Variants in SLC25A48 observed in about 807,000 individuals in gnomAD.
SLC25A48 encodes CTC-321K16.1.
A neutral mutation model predicts 32.2 loss-of-function variants in SLC25A48; 29 were observed. That is an observed-to-expected ratio of 0.90 (90% CI 0.67 to 1.23). The LOEUF (loss-of-function observed/expected upper bound fraction) is 1.23. Among genes scored for constraint, SLC25A48 ranks in the 50% most tolerant of loss-of-function variants. The pLI, the probability that SLC25A48 is intolerant of heterozygous loss-of-function variation, is 0.00. For missense variants in SLC25A48, 399 were observed against 422.7 expected, an observed-to-expected ratio of 0.94 and a Z score of 0.49; for synonymous variants, 164 against 172.3, an observed-to-expected ratio of 0.95 and a Z score of 0.38.
At chr5:135,658,255 G>A (rs901194393) in intron 3 of SLC25A48, among the ~76,000 whole-genome samples, 1 of 152,216 alleles carries the variant, frequency 6.6e-6, no homozygotes, top group Non-Finnish European at 1.5e-5. Flanking sequence ...CCAAAAGGGA[G>A]AAATTAGTCA....
chr5:135,630,311 T>G (rs1188289183), intron 2 of SLC25A48, among the ~76,000 whole-genome samples: 1 of 152,158 alleles, frequency 6.6e-6, no homozygotes, highest in African/African-American at 2.4e-5. Flanking sequence ...CTGCTGCTCT[T>G]TCTAAGAAAA....
In SLC25A48 at chr5:135,623,902, G is replaced by C. The variant is rs967674310; in HGVS notation, c.-848-5335G>C. Among the ~76,000 whole-genome samples, 11 of 152,256 alleles carry C rather than the reference G, an allele frequency of 7.2e-5. No individual in the cohort carries two copies. The South Asian group carries it at 2.1e-3, about 29-fold the overall frequency. ...TGCTGCTGCTGTTGCTATGGCCTCT[G>C]TCCCCCCGGGTACCTCATGAGGAAT... On this transcript the variant is annotated intron_variant, in intron 1 of 10. Transcript: ENST00000646290.
At chr5:135,721,175 G>GTAGCT (rs369170737) in intron 3 of SLC25A48, among the ~76,000 whole-genome samples, 1 of 127,772 alleles carries the variant, frequency 7.8e-6, no homozygotes, top group African/African-American at 2.6e-5. Context: ...CAGAGTAGCT[G>GTAGCT]GGACACCATG....
At chr5:135,791,503 T>G (rs1398773040) in intron 3 of SLC25A48, among the ~76,000 whole-genome samples, 1 of 151,710 alleles carries the variant, frequency 6.6e-6, no homozygotes, top group Non-Finnish European at 1.5e-5. Context: ...TTACTCCTAA[T>G]GTTACAGGGG....
chr5:135,797,914 T>C (rs1010964398), intron 3 of SLC25A48, among the ~76,000 whole-genome samples: 3 of 151,898 alleles, frequency 2.0e-5, no homozygotes, highest in Admixed American at 6.6e-5. Flanking sequence ...AGAAAGAGGA[T>C]GATATTACTC....
intron 3 of SLC25A48, among the ~76,000 whole-genome samples, chr5:135,698,163 G>A (rs1754310864): frequency 6.6e-6 from 1 of 152,188 alleles, no homozygotes; most frequent in African/African-American, 2.4e-5. Flanking sequence ...CGGGGGTGAG[G>A]GTCACCTGAC....
chr5:135,681,780 C>T (rs1268960860), intron 3 of SLC25A48, among the ~76,000 whole-genome samples: 1 of 152,220 alleles, frequency 6.6e-6, no homozygotes, highest in East Asian at 1.9e-4. Flanking sequence ...GCCAGAACAG[C>T]CTCTAGTCTA....
At chr5:135,883,033 A>T (rs1762589701) in intron 7 of SLC25A48, 10 of 985,336 alleles carry the variant, frequency 1.0e-5, no homozygotes, top group Non-Finnish European at 1.2e-5. Flanking sequence ...CCGTTAGAAG[A>T]TGTTCTTGTC....
upstream of SLC25A48, among the ~76,000 whole-genome samples, chr5:135,833,399 T>G (rs2126672733): frequency 1.3e-5 from 2 of 152,320 alleles, no homozygotes; most frequent in South Asian, 4.1e-4. Context: ...TTTTGAGAAT[T>G]GTCAGGCTTT....
At chr5:135,803,381 A>G (rs1263171759) in intron 3 of SLC25A48, among the ~76,000 whole-genome samples, 2 of 151,304 alleles carry the variant, frequency 1.3e-5, no homozygotes, top group African/African-American at 4.8e-5. Context: ...CTGTGATACT[A>G]TTCATAATAT....
At chr5:135,589,858 G>T (rs1198713020) in intron 1 of SLC25A48, among the ~76,000 whole-genome samples, 1 of 152,000 alleles carries the variant, frequency 6.6e-6, no homozygotes, top group Non-Finnish European at 1.5e-5. Flanking sequence ...CCATACCCAG[G>T]TAATTTTTTG....
chr5:135,836,387 A>T (rs1019383774), intron 1 of SLC25A48, among the ~76,000 whole-genome samples: 11 of 150,788 alleles, frequency 7.3e-5, no homozygotes, highest in Admixed American at 6.6e-4. Context: ...CCATGAAATG[A>T]TGGTAAGTGT....
chr5:135,731,894 A>G (rs1294066955), intron 3 of SLC25A48, among the ~76,000 whole-genome samples: 1 of 152,278 alleles, frequency 6.6e-6, no homozygotes, highest in African/African-American at 2.4e-5. Flanking sequence ...CCAGCAGTGT[A>G]AACAAGAGTA....
At chr5:135,756,566 G>A (rs1487618439) in intron 3 of SLC25A48, among the ~76,000 whole-genome samples, 5 of 152,098 alleles carry the variant, frequency 3.3e-5, no homozygotes, top group Admixed American at 6.6e-5. Flanking sequence ...AGCTACTCGG[G>A]AGGCTGAGGC....
At chr5:135,844,273 C>A (rs1759237881) in intron 2 of SLC25A48, among the ~76,000 whole-genome samples, 1 of 152,198 alleles carries the variant, frequency 6.6e-6, no homozygotes, top group Non-Finnish European at 1.5e-5. Flanking sequence ...CAGCCAAGTT[C>A]AAGGTGCCTG....
chr5:135,652,952 A>C (rs998900874), intron 3 of SLC25A48, among the ~76,000 whole-genome samples: 5 of 152,188 alleles, frequency 3.3e-5, no homozygotes, highest in African/African-American at 1.2e-4. Flanking sequence ...TGTTTAGGTC[A>C]TGAGGCCTCC....
At chr5:135,687,373 T>C (rs1411728197) in intron 3 of SLC25A48, among the ~76,000 whole-genome samples, 2 of 152,226 alleles carry the variant, frequency 1.3e-5, no homozygotes, top group African/African-American at 4.8e-5. Flanking sequence ...TATTTATACA[T>C]GCAAAATGCT....
At chr5:135,811,033 C>T (rs1409264098) in intron 3 of SLC25A48, among the ~76,000 whole-genome samples, 1 of 152,140 alleles carries the variant, frequency 6.6e-6, no homozygotes, top group Admixed American at 6.5e-5. Context: ...TAGGGGAACT[C>T]GGGACTTCTT....
intron 3 of SLC25A48, among the ~76,000 whole-genome samples, chr5:135,660,516 A>C (rs116642937): frequency 0.014 from 2,198 of 152,350 alleles, 51 homozygotes; most frequent in African/African-American, 0.051. Context: ...CAAGGTCAGC[A>C]TCATAGTGGC....
Sources: gnomAD v4.1 joint callset for allele counts (sites outside exome capture counted in the v4.1 genomes callset) on GRCh38, gnomAD v4.1.1 for gene constraint, MANE v1.5 for transcripts, NCBI Gene and HGNC (gene_info 2026-07-23, HGNC 2026-07-21) for gene names.